Variants in NOL7 observed in about 807,000 individuals in gnomAD.
The protein encoded by NOL7 is U3 small nucleolar RNA-associated protein NOL7.
In NOL7, 36 loss-of-function variants were observed where a neutral mutation model predicts 38.4. That is an observed-to-expected ratio of 0.94 (90% CI 0.72 to 1.24). NOL7 has a LOEUF of 1.24. NOL7 is among the 50% of genes most tolerant of loss of function. NOL7 has a pLI of 0.00. For missense variants in NOL7, 350 were observed against 315.1 expected (o/e 1.11, Z -0.84); for synonymous variants, 142 against 126.5 (o/e 1.12, Z -0.82).
At chr6:13,625,583 C>A, downstream of NOL7, 1 of 1,028,358 alleles carries the variant, frequency 9.7e-7, no homozygotes, top group Non-Finnish European at 1.5e-6. Flanking sequence ...GTGTAAATGC[C>A]AGTACAAACA....
intron 2 of NOL7, 148 bp from the exon 3 acceptor site, chr6:13,616,315 A>G: frequency 1.9e-6 from 1 of 537,900 alleles, no homozygotes; most frequent in Non-Finnish European, 3.3e-6. Context: ...CGGTCTTCCC[A>G]TAGCTTAGAG....
Position 13,615,619 on chromosome 6 carries a change from G to A in NOL7, c.261G>A (p.Val87=), listed in dbSNP as rs117650296. 1.6e-3 allele frequency: 2,504 copies of A among 1,600,436 alleles called. 47 individuals carry two copies. In the East Asian group the frequency reaches 0.035, roughly 22 times the overall value. ...REEERRVRET[V]RRDKTLLKEK... is the part of the protein sequence containing the mutation. Reference sequence around the variant, plus strand: ...AGGAGCGGCGAGTGCGGGAGACCGTGCGCAGGTTCGGAGCCCGCTGCCCGG... The same window carrying A: ...AGGAGCGGCGAGTGCGGGAGACCGTACGCAGGTTCGGAGCCCGCTGCCCGG... The change falls in exon 1 of 8, where the codon GTG becomes GTA. Residue 87 remains valine, a synonymous_variant. Transcript: ENST00000451315.
chr6:13,631,557 G>T (rs1306451064), intron 8 of NOL7, among the ~76,000 whole-genome samples: 1 of 152,152 alleles, frequency 6.6e-6, no homozygotes. Context: ...TTCAGTCCAG[G>T]TCAGGAAGAA....
In NOL7 at chr6:13,630,062, A is replaced by T. The variant is rs11962840; in HGVS notation, n.574-2331A>T. ...TGAAGTGACAAAAAGAAGTGGAATG[A>T]TTTCTAAACCTGTTTTCTCTTCATG... is the stretch of plus-strand genomic sequence containing the variant. On this transcript the variant is annotated intron_variant and non_coding_transcript_variant, in intron 8 of 8. Transcript: ENST00000474485. Among the ~76,000 whole-genome samples the T allele has an allele frequency of 6.1e-3, 927 of 152,236 alleles. 4 individuals carry two copies. The highest frequency in any genetic ancestry group is 0.021 in the African/African-American group (863 of 41,532).
intron 2 of NOL7, 132 bp downstream of exon 2, chr6:13,615,904 G>A: frequency 1.0e-6 from 1 of 965,510 alleles, no homozygotes; most frequent in Non-Finnish European, 1.5e-6. Context: ...GACAGTGGTG[G>A]AAAGATGCTC....
Position 13,620,474 on chromosome 6 carries a change from A to C in NOL7, c.689A>C (p.Asn230Thr). 1 of 1,613,934 alleles carries C rather than the reference A, an allele frequency of 6.2e-7. No individual in the cohort carries two copies. Reference protein sequence around the residue: ...PVKRAAVQFLNNAWGIQKKQN... With the variant: ...PVKRAAVQFLTNAWGIQKKQN... ...AAAAGAGCTGCTGTCCAGTTTTTGA[A>C]TAATGCTTGGGGTAAGATCCAGCTT... is the stretch of plus-strand genomic sequence containing the variant. The change falls in exon 7 of 8, where the codon AAT (asparagine) becomes ACT (threonine). Residue 230 changes from asparagine (N) to threonine (T), a missense_variant. Transcript: ENST00000451315.
At position 13,617,315 on chromosome 6, in the gene NOL7, T is replaced by G. The variant is rs554632859; in HGVS notation, c.387-455T>G. 3.9e-5 allele frequency among the ~76,000 whole-genome samples: 6 copies of G among 152,160 alleles called. No homozygotes were observed. In the South Asian group the frequency reaches 1.2e-3, roughly 32 times the overall value. On this transcript the variant is annotated intron_variant, in intron 3 of 7. Coordinates refer to ENST00000451315, the MANE Select transcript of NOL7 (RefSeq NM_016167.5). Reference sequence around the variant, plus strand: ...CCTGTGCAAATGCTTCTGTATTGTATTCTGTCCATTTACATTTCTCTCTCC... The same window carrying G: ...CCTGTGCAAATGCTTCTGTATTGTAGTCTGTCCATTTACATTTCTCTCTCC...
downstream of NOL7, chr6:13,622,008 C>CA (rs1764462464): frequency 6.3e-6 from 1 of 158,816 alleles, no homozygotes; most frequent in Admixed American, 6.4e-5. Flanking sequence ...CTAACACAAA[C>CA]ACAACTTGTT....
intron 8 of NOL7, among the ~76,000 whole-genome samples, chr6:13,627,608 C>T (rs1458292982): frequency 3.2e-5 from 4 of 125,952 alleles, no homozygotes; most frequent in East Asian, 2.3e-4. Flanking sequence ...CCAGCATGGA[C>T]GACAGAGAGA....
At chr6:13,619,393 A>G (rs1388806604) in intron 5 of NOL7, among the ~76,000 whole-genome samples, 1 of 152,228 alleles carries the variant, frequency 6.6e-6, no homozygotes, top group Non-Finnish European at 1.5e-5. Context: ...GTCCACAGGC[A>G]TTCATTTGAG....
At chr6:13,628,049 T>A (rs1764670796) in intron 8 of NOL7, among the ~76,000 whole-genome samples, 1 of 152,222 alleles carries the variant, frequency 6.6e-6, no homozygotes, top group African/African-American at 2.4e-5. Context: ...CAACGTATTG[T>A]GCACTAATAT....
Position 13,616,128 on chromosome 6 carries a change from C to G in NOL7, c.328-335C>G, listed in dbSNP as rs188151657. 3.3e-5 allele frequency among the ~76,000 whole-genome samples: 5 copies of G among 152,334 alleles called. No individual in the cohort carries two copies. The East Asian group carries it at 9.6e-4, about 29-fold the overall frequency. On this transcript the variant is annotated intron_variant, in intron 2 of 7. Coordinates refer to ENST00000451315, the MANE Select transcript of NOL7 (RefSeq NM_016167.5). ...TGAGGTGATTTGTAAACTGTAAGGG[C>G]TGTACAGACTTAGTGTATGGTTGCT...
At chr6:13,624,690 T>C (rs577371390), downstream of NOL7, among the ~76,000 whole-genome samples, 2 of 152,330 alleles carry the variant, frequency 1.3e-5, no homozygotes, top group East Asian at 1.9e-4. Context: ...GAGCTGCTCA[T>C]AGGAATGGCA....
chr6:13,622,073 TTC>T, downstream of NOL7: 1 of 188,818 alleles, frequency 5.3e-6, no homozygotes, highest in Non-Finnish European at 1.1e-5. Context: ...GATTTTTGGT[TTC>T]TTTTAGGTAA....
chr6:13,620,332 A>G lies in NOL7; in HGVS notation c.622+3A>G. On this transcript the variant is annotated splice_donor_region_variant and intron_variant, in intron 6 of 7. Coordinates refer to ENST00000451315, the MANE Select transcript of NOL7 (RefSeq NM_016167.5). ...GCCAGGAACCAACAGGACTACTGGT[A>G]ATTTTTTTATGGACTATTTTTCTCA... The G allele has an allele frequency of 6.2e-7, 1 of 1,613,964 alleles. No individual in the cohort carries two copies. The highest frequency in any genetic ancestry group is 1.1e-5 in the South Asian group (1 of 91,070).
chr6:13,631,099 C>T (rs138232863), intron 8 of NOL7, among the ~76,000 whole-genome samples: 496 of 152,294 alleles, frequency 3.3e-3, no homozygotes, highest in African/African-American at 0.011. Flanking sequence ...TGAGCCACCG[C>T]GCCCGGCCTG....
chr6:13,631,785 CTG>C (rs1417085552), intron 8 of NOL7, among the ~76,000 whole-genome samples: 13 of 152,250 alleles, frequency 8.5e-5, no homozygotes, highest in African/African-American at 2.7e-4. Context: ...GTACACAAAA[CTG>C]TGGCTACTTT....
chr6:13,629,230 C>A (rs1223503920), intron 8 of NOL7, among the ~76,000 whole-genome samples: 1 of 152,198 alleles, frequency 6.6e-6, no homozygotes, highest in African/African-American at 2.4e-5. Flanking sequence ...CCTGCCTCAG[C>A]CTCCCAAAGT....
chr6:13,618,134 T>C lies in NOL7; in HGVS notation c.495T>C (p.Ser165=). ...AAGTTAAAGTACAAAAAGTACAGTC[T>C]GTCAGGTAATGAGTCTTTTGTTTCA... The part of the protein sequence containing the change: ...SKKVKVQKVQ[S]VSQNKSYLAV... The change falls in exon 5 of 8, where the codon TCT becomes TCC. Residue 165 remains serine, a synonymous_variant. Coordinates refer to ENST00000451315, the MANE Select transcript of NOL7 (RefSeq NM_016167.5). 3.9e-6 allele frequency: 6 copies of C among 1,558,306 alleles called. No homozygotes were observed. The highest frequency in any genetic ancestry group is 1.1e-5 in the South Asian group (1 of 88,890).
Sources: allele counts gnomAD v4.1 joint callset (sites outside exome capture counted in the v4.1 genomes callset), GRCh38; gene constraint gnomAD v4.1.1; transcripts MANE v1.5; gene names NCBI Gene and HGNC (gene_info 2026-07-23, HGNC 2026-07-21).